Variants in NRG3 observed in about 807,000 individuals in gnomAD.
The protein encoded by NRG3 is neuregulin 3, also known as pro-neuregulin-3, membrane-bound isoform.
Under a neutral mutation model 66.9 loss-of-function variants are expected in NRG3, and 31 were observed. The ratio of observed to expected loss-of-function variants is 0.46; its 90% CI spans 0.35 to 0.63. The LOEUF is 0.63. Among genes scored for constraint, NRG3 ranks in the 20% least tolerant of loss-of-function variants. The probability of loss-of-function intolerance (pLI) is 0.00; values close to 1 mark genes in which losing one functional copy is unlikely to be tolerated. For synonymous variants in NRG3, 393 were observed against 359.4 expected (o/e 1.09, Z -1.06); for missense variants, 910 against 878.9 (o/e 1.04, Z -0.45).
At chr10:82,777,188 A>G (rs2059942894) in intron 3 of NRG3, among the ~76,000 whole-genome samples, 1 of 152,156 alleles carries the variant, frequency 6.6e-6, no homozygotes, top group Non-Finnish European at 1.5e-5. Context: ...GCTGTGATCA[A>G]CATTATTGAT....
chr10:82,473,932 C>T (rs1228562322), intron 2 of NRG3, among the ~76,000 whole-genome samples: 1 of 151,504 alleles, frequency 6.6e-6, no homozygotes, highest in African/African-American at 2.4e-5. Flanking sequence ...CAGCTAAGGC[C>T]CAGAGGAGAA....
intron 2 of NRG3, among the ~76,000 whole-genome samples, chr10:82,483,052 C>T (rs1842410349): frequency 6.6e-6 from 1 of 152,112 alleles, no homozygotes; most frequent in African/African-American, 2.4e-5. Context: ...AAAATTCCAA[C>T]ATTCAAAGTT....
At chr10:82,512,163 T>C (rs1178464664) in intron 2 of NRG3, among the ~76,000 whole-genome samples, 1 of 151,804 alleles carries the variant, frequency 6.6e-6, no homozygotes, top group Non-Finnish European at 1.5e-5. Context: ...TTTGAGCTTA[T>C]TATAAAATCT....
intron 2 of NRG3, among the ~76,000 whole-genome samples, chr10:82,534,899 A>T (rs1847661097): frequency 6.6e-6 from 1 of 151,872 alleles, no homozygotes; most frequent in East Asian, 1.9e-4. Flanking sequence ...ACAGTGGCTC[A>T]CACCTGTAAT....
intron 2 of NRG3, among the ~76,000 whole-genome samples, chr10:82,498,840 A>T (rs1203474296): frequency 1.3e-5 from 2 of 152,094 alleles, no homozygotes; most frequent in Non-Finnish European, 2.9e-5. Context: ...AACTTACAGA[A>T]TTTTTTTCGG....
At position 82,245,249 on chromosome 10, in the gene NRG3, G is replaced by A. The variant is rs2134035039; in HGVS notation, c.824-113490G>A. Among the ~76,000 whole-genome samples, 3 of 152,252 alleles carry A rather than the reference G, an allele frequency of 2.0e-5. No homozygotes were observed. In the East Asian group the frequency reaches 5.8e-4, roughly 29 times the overall value. ...ATAACCTAGATCCCTCGCATGTGTA[G>A]TTCACAATAGGGTTCTCACTCCTGT... On this transcript the variant is annotated intron_variant, in intron 1 of 8. Transcript: ENST00000372141.
intron 1 of NRG3, among the ~76,000 whole-genome samples, chr10:82,142,999 G>C (rs2069934484): frequency 6.6e-6 from 1 of 150,582 alleles, no homozygotes; most frequent in South Asian, 2.1e-4. Flanking sequence ...GAACTCCTGG[G>C]CTCAAGCGAT....
At chr10:82,114,011 A>G (rs1019865943) in intron 1 of NRG3, among the ~76,000 whole-genome samples, 2 of 152,170 alleles carry the variant, frequency 1.3e-5, no homozygotes, top group African/African-American at 2.4e-5. Flanking sequence ...GCTCTAGGCA[A>G]CCACTAATCT....
intron 1 of NRG3, among the ~76,000 whole-genome samples, chr10:82,089,011 A>G (rs929476335): frequency 2.0e-5 from 3 of 152,020 alleles, no homozygotes; most frequent in African/African-American, 7.3e-5. Flanking sequence ...TTTGTAAAGA[A>G]TCAACAAAGT....
intron 4 of NRG3, among the ~76,000 whole-genome samples, chr10:82,903,152 A>T (rs1362245080): frequency 6.6e-6 from 1 of 152,152 alleles, no homozygotes; most frequent in African/African-American, 2.4e-5. Context: ...AAATGTAAAG[A>T]TGTAGTATTA....
intron 2 of NRG3, among the ~76,000 whole-genome samples, chr10:82,378,544 C>T (rs1042232193): frequency 6.6e-6 from 1 of 151,812 alleles, no homozygotes; most frequent in Non-Finnish European, 1.5e-5. Flanking sequence ...CCCTCCCTCT[C>T]TTCTCTTCTA....
At chr10:82,190,052 T>G (rs2074046311) in intron 1 of NRG3, among the ~76,000 whole-genome samples, 1 of 152,244 alleles carries the variant, frequency 6.6e-6, no homozygotes, top group South Asian at 2.1e-4. Flanking sequence ...TGGCATGCAG[T>G]TCAGAACGGG....
chr10:82,183,619 T>A (rs569239054), intron 1 of NRG3, among the ~76,000 whole-genome samples: 247 of 152,210 alleles, frequency 1.6e-3, no homozygotes, highest in Non-Finnish European at 2.9e-3. Context: ...AAATAATATT[T>A]GCTCATGTAA....
chr10:82,125,204 T>C (rs1331446548), intron 1 of NRG3, among the ~76,000 whole-genome samples: 1 of 152,010 alleles, frequency 6.6e-6, no homozygotes, highest in Admixed American at 6.6e-5. Context: ...GAATTTAATT[T>C]AAGCAATGTC....
chr10:82,214,831 G>A (rs1248497372), intron 1 of NRG3, among the ~76,000 whole-genome samples: 1 of 152,086 alleles, frequency 6.6e-6, no homozygotes, highest in Non-Finnish European at 1.5e-5. Context: ...TTATTTCACG[G>A]TGACTTCTTC....
chr10:82,594,369 T>G (rs2047151288), intron 2 of NRG3, among the ~76,000 whole-genome samples: 1 of 152,164 alleles, frequency 6.6e-6, no homozygotes, highest in African/African-American at 2.4e-5. Context: ...GGTAATAAGT[T>G]TTTTGTGTTC....
intron 2 of NRG3, among the ~76,000 whole-genome samples, chr10:82,381,743 C>G (rs546907600): frequency 6.6e-6 from 1 of 152,156 alleles, no homozygotes; most frequent in East Asian, 1.9e-4. Context: ...GAGTAAGATG[C>G]TATAAACAAT....
chr10:82,598,629 A>G lies in NRG3; in HGVS notation c.954-139948A>G, dbSNP rs190033171. ...GGATAGAAGGATGGAGTGATTGTCT[A>G]TATCAAATTATGCTTAGAAAAAAGA... On this transcript the variant is annotated intron_variant, in intron 2 of 8. Coordinates refer to ENST00000372141, the MANE Select transcript of NRG3 (RefSeq NM_001010848.4). Among the ~76,000 whole-genome samples the G allele has an allele frequency of 9.3e-4, 141 of 152,344 alleles. 3 individuals carry two copies. Among genetic ancestry groups the G allele is most frequent in the African/African-American group, 3.1e-3 (129 of 41,582 alleles).
chr10:82,028,591 T>A, intron 1 of NRG3, among the ~76,000 whole-genome samples: 1 of 152,096 alleles, frequency 6.6e-6, no homozygotes, highest in Admixed American at 6.6e-5. Flanking sequence ...AGAAACGCTT[T>A]GGGCTTCTCT....
Sources: allele counts gnomAD v4.1 joint callset (sites outside exome capture counted in the v4.1 genomes callset), GRCh38; gene constraint gnomAD v4.1.1; transcripts MANE v1.5; gene names NCBI Gene and HGNC (gene_info 2026-07-23, HGNC 2026-07-21).